Variants in ARHGAP42 observed in about 807,000 individuals in gnomAD.
ARHGAP42 encodes the protein Rho GTPase activating protein 42.
A neutral mutation model predicts 125.0 loss-of-function variants in ARHGAP42; 63 were observed. The ratio of observed to expected loss-of-function variants is 0.50; its 90% CI spans 0.41 to 0.62. The LOEUF (loss-of-function observed/expected upper bound fraction) is 0.62. ARHGAP42 is among the 20% of genes least tolerant of loss of function. The probability of loss-of-function intolerance (pLI) is 0.00; values close to 1 mark genes in which losing one functional copy is unlikely to be tolerated. For synonymous variants in ARHGAP42, 339 were observed against 351.0 expected (o/e 0.97, Z 0.38); for missense variants, 766 against 1,024.2 (o/e 0.75, Z 3.44).
rs780221159 is a variant in ARHGAP42, at chr11:100,859,508, G to T, written c.313-46G>T. On this transcript the variant is annotated intron_variant, in intron 3 of 23. Transcript: ENST00000298815. ...AGTAGCCATTTTTTCAATGTTGTTG[G>T]CATGAAATTATGCAAGATTTAATAT... 4.8e-6 allele frequency: 7 copies of T among 1,462,392 alleles called. No homozygotes were observed. The African/African-American group carries it at 1.0e-4, about 21-fold the overall frequency. 90.6% of individuals were successfully genotyped at this position (1,462,392 alleles called of 1,614,324 possible).
At chr11:100,835,413 A>G (rs1382699688) in intron 3 of ARHGAP42, among the ~76,000 whole-genome samples, 2 of 152,280 alleles carry the variant, frequency 1.3e-5, no homozygotes, top group East Asian at 3.9e-4. Context: ...TTTGTACCTT[A>G]ACATATTTAT....
intron 2 of ARHGAP42, among the ~76,000 whole-genome samples, chr11:100,780,257 A>G (rs1208074747): frequency 2.6e-5 from 4 of 152,170 alleles, no homozygotes; most frequent in Non-Finnish European, 5.9e-5. Flanking sequence ...GACTTTAAAA[A>G]AGGCTTATTT....
chr11:100,875,812 G>C (rs968021379), intron 4 of ARHGAP42, among the ~76,000 whole-genome samples: 1 of 152,108 alleles, frequency 6.6e-6, no homozygotes, highest in African/African-American at 2.4e-5. Flanking sequence ...GTAGCATAAA[G>C]AGGGTAAATA....
intron 6 of ARHGAP42, among the ~76,000 whole-genome samples, chr11:100,921,979 G>A (rs970362798): frequency 1.3e-5 from 2 of 151,158 alleles, no homozygotes; most frequent in Non-Finnish European, 2.9e-5. Context: ...TGGCGGGAGG[G>A]GGGTGCAGAG....
intron 1 of ARHGAP42, among the ~76,000 whole-genome samples, chr11:100,708,073 G>A (rs1267579368): frequency 3.3e-5 from 5 of 152,212 alleles, no homozygotes; most frequent in Non-Finnish European, 7.3e-5. Context: ...TATGTACACT[G>A]AGTAGCCCTA....
Position 100,732,292 on chromosome 11 carries a change from G to T in ARHGAP42, c.155-38051G>T, listed in dbSNP as rs147658327. On this transcript the variant is annotated intron_variant, in intron 1 of 23. Coordinates refer to ENST00000298815, the MANE Select transcript of ARHGAP42 (RefSeq NM_152432.4). Reference sequence around the variant, plus strand: ...TTTTCAACCAGAATGTGAGCTCCATGAAGGCAGGGATTTTATCTCTTTTGT... The same window carrying T: ...TTTTCAACCAGAATGTGAGCTCCATTAAGGCAGGGATTTTATCTCTTTTGT... Among the ~76,000 whole-genome samples the T allele has an allele frequency of 1.1e-4, 16 of 152,270 alleles. No individual in the cohort carries two copies. In the East Asian group the frequency reaches 3.1e-3, roughly 29 times the overall value.
rs566740165 is a variant in ARHGAP42, at chr11:100,710,193, C to A, written c.154+22361C>A. 2.6e-5 allele frequency among the ~76,000 whole-genome samples: 4 copies of A among 152,132 alleles called. No homozygotes were observed. The South Asian group carries it at 8.3e-4, about 32-fold the overall frequency. On this transcript the variant is annotated intron_variant, in intron 1 of 23. Transcript: ENST00000298815. ...ATTTTTGAGTTACAAATCATGTTAT[C>A]TTTTATATATTATAACATTGTATTT...
chr11:100,755,226 C>T (rs572220909), intron 1 of ARHGAP42, among the ~76,000 whole-genome samples: 1 of 152,350 alleles, frequency 6.6e-6, no homozygotes, highest in South Asian at 2.1e-4. Context: ...ACAATGCTTG[C>T]TCCTGCCCCA....
At chr11:100,845,901 G>A (rs893202776) in intron 3 of ARHGAP42, among the ~76,000 whole-genome samples, 29 of 152,054 alleles carry the variant, frequency 1.9e-4, no homozygotes, top group African/African-American at 6.0e-4. Context: ...AGTTTTTGGC[G>A]GAGGCTAACA....
chr11:100,705,689 C>A (rs944808499), intron 1 of ARHGAP42, among the ~76,000 whole-genome samples: 6 of 152,168 alleles, frequency 3.9e-5, no homozygotes, highest in Non-Finnish European at 1.5e-5. Context: ...TTTTTCTAAG[C>A]AATATCTTTA....
chr11:100,850,805 C>T (rs1865185775), intron 3 of ARHGAP42, among the ~76,000 whole-genome samples: 1 of 151,262 alleles, frequency 6.6e-6, no homozygotes, highest in Non-Finnish European at 1.5e-5. Flanking sequence ...ACAACATTGG[C>T]ACAAACTTCT....
chr11:100,706,624 G>A (rs1861485986), intron 1 of ARHGAP42, among the ~76,000 whole-genome samples: 1 of 152,138 alleles, frequency 6.6e-6, no homozygotes, highest in Non-Finnish European at 1.5e-5. Flanking sequence ...TTGCTAAAAT[G>A]TACAAATGAT....
intron 4 of ARHGAP42, among the ~76,000 whole-genome samples, chr11:100,878,921 A>T (rs1235792974): frequency 6.6e-6 from 1 of 151,922 alleles, no homozygotes; most frequent in Non-Finnish European, 1.5e-5. Flanking sequence ...AAAATTCTAG[A>T]AGATAACATC....
chr11:100,933,090 A>G (rs1867630579), intron 6 of ARHGAP42, 66 bp from the exon 7 acceptor site: 2 of 1,131,624 alleles, frequency 1.8e-6, no homozygotes, highest in Non-Finnish European at 2.5e-6. Flanking sequence ...TTTTCTCCCT[A>G]TTTTATATCA....
At position 100,908,936 on chromosome 11, in the gene ARHGAP42, A is replaced by G. The variant is rs146159323; in HGVS notation, c.385-4516A>G. Among the ~76,000 whole-genome samples the G allele has an allele frequency of 5.9e-3, 894 of 152,270 alleles. 11 individuals carry two copies. Among genetic ancestry groups the G allele is most frequent in the African/African-American group, 0.021 (852 of 41,544 alleles). On this transcript the variant is annotated intron_variant, in intron 4 of 23. Transcript: ENST00000298815. ...CTGACCAGCCATTCTGACTGATGTG[A>G]GATGGTATCTCATTGTGGTTTTAAT...
intron 3 of ARHGAP42, among the ~76,000 whole-genome samples, chr11:100,839,096 G>T (rs748102302): frequency 2.0e-5 from 3 of 151,870 alleles, no homozygotes; most frequent in African/African-American, 7.3e-5. Context: ...TGGCAGCCTC[G>T]CATCCCTTCC....
intron 8 of ARHGAP42, among the ~76,000 whole-genome samples, chr11:100,938,993 T>C (rs1234514748): frequency 6.6e-6 from 1 of 152,156 alleles, no homozygotes; most frequent in African/African-American, 2.4e-5. Context: ...ATCAAATAAA[T>C]AAATATCAAA....
At position 100,968,215 on chromosome 11, in the gene ARHGAP42, T is replaced by C. The variant is rs566256808; in HGVS notation, c.1550+2439T>C. Among the ~76,000 whole-genome samples, 10 of 152,354 alleles carry C rather than the reference T, an allele frequency of 6.6e-5. No homozygotes were observed. In the East Asian group the frequency reaches 1.9e-3, roughly 29 times the overall value. ...TAATGTATATCTACTGTAGAAAGCA[T>C]ATAGTTGGATCTTACTGTTTTTTAA... On this transcript the variant is annotated intron_variant, in intron 17 of 23. Transcript: ENST00000298815.
intron 1 of ARHGAP42, among the ~76,000 whole-genome samples, chr11:100,745,847 C>T (rs1862291544): frequency 6.6e-6 from 1 of 152,094 alleles, no homozygotes; most frequent in Admixed American, 6.6e-5. Context: ...GTAGTTTATC[C>T]AATTTACATT....
Sources: allele counts gnomAD v4.1 joint callset (sites outside exome capture counted in the v4.1 genomes callset), GRCh38; gene constraint gnomAD v4.1.1; transcripts MANE v1.5; gene names NCBI Gene and HGNC (gene_info 2026-07-23, HGNC 2026-07-21).